KCNIP3: variants seen among roughly 807,000 people sequenced by gnomAD.
KCNIP3 encodes potassium voltage-gated channel interacting protein 3.
A neutral mutation model predicts 35.0 loss-of-function variants in KCNIP3; 28 were observed. That is an observed-to-expected ratio of 0.80 (90% CI 0.59 to 1.10). The LOEUF (loss-of-function observed/expected upper bound fraction) is 1.10, where lower values mean the gene tolerates loss of function less well. KCNIP3 is among the 50% of genes least tolerant of loss of function. The pLI, the probability that KCNIP3 is intolerant of heterozygous loss-of-function variation, is 0.00. For synonymous variants in KCNIP3, 134 were observed against 133.8 expected (o/e 1.00, Z -0.01); for missense variants, 295 against 338.4 (o/e 0.87, Z 1.01).
At chr2:95,322,976 C>T (rs1386019363) in intron 2 of KCNIP3, among the ~76,000 whole-genome samples, 1 of 152,226 alleles carries the variant, frequency 6.6e-6, no homozygotes, top group African/African-American at 2.4e-5. Flanking sequence ...TCTTCTTTAC[C>T]CAGGAATTTG....
intron 2 of KCNIP3, among the ~76,000 whole-genome samples, chr2:95,330,603 G>A (rs77669850): frequency 1.8e-4 from 27 of 152,350 alleles, no homozygotes; most frequent in Non-Finnish European, 3.5e-4. Flanking sequence ...AACACCACAA[G>A]GGGCGTGAGA....
chr2:95,353,022 CCT>C (rs1679565822), intron 2 of KCNIP3, among the ~76,000 whole-genome samples: 1 of 152,234 alleles, frequency 6.6e-6, no homozygotes, highest in Non-Finnish European at 1.5e-5. Context: ...TATCCCAATG[CCT>C]ATAGTCCCAC....
intron 2 of KCNIP3, among the ~76,000 whole-genome samples, chr2:95,357,927 C>T (rs547664203): frequency 2.6e-5 from 4 of 152,262 alleles, no homozygotes; most frequent in South Asian, 4.1e-4. Flanking sequence ...ACAGGCCGTG[C>T]GCAGTGTCAC....
At position 95,375,156 on chromosome 2, in the gene KCNIP3, A is replaced by G. The variant is rs748132243; in HGVS notation, c.395A>G (p.His132Arg). 6.2e-6 allele frequency: 10 copies of G among 1,613,992 alleles called. No individual in the cohort carries two copies. In the African/African-American group the frequency reaches 1.2e-4, roughly 19 times the overall value. The part of the protein sequence containing the change: ...FPQGDATTYA[H>R]FLFNAFDADG... ...TCCCCAGATGCCACCACCTATGCACACTTCCTCTTCAACGCCTTTGATGCG... is the reference window on the plus strand; with the variant it reads ...TCCCCAGATGCCACCACCTATGCACGCTTCCTCTTCAACGCCTTTGATGCG... Residue 132 changes from histidine (H) to arginine (R), a missense_variant, in exon 5 of 9, where the codon CAC becomes CGC. Coordinates refer to ENST00000295225, the MANE Select transcript of KCNIP3 (RefSeq NM_013434.5).
chr2:95,337,792 C>G (rs1263415215), intron 2 of KCNIP3, among the ~76,000 whole-genome samples: 1 of 152,194 alleles, frequency 6.6e-6, no homozygotes, highest in African/African-American at 2.4e-5. Flanking sequence ...TCCAGGCCAC[C>G]CTCATCTTTC....
intron 2 of KCNIP3, among the ~76,000 whole-genome samples, chr2:95,339,854 G>C (rs960016212): frequency 2.6e-5 from 4 of 152,138 alleles, no homozygotes; most frequent in Non-Finnish European, 5.9e-5. Flanking sequence ...CCCTGGGTGA[G>C]AGTTCTAGAT....
chr2:95,361,228 T>C (rs772891149), intron 2 of KCNIP3, among the ~76,000 whole-genome samples: 1 of 152,200 alleles, frequency 6.6e-6, no homozygotes, highest in South Asian at 2.1e-4. Context: ...ATTTCTTCCA[T>C]GTCTTGGTGG....
chr2:95,383,379 C>A, intron 8 of KCNIP3, 85 bp downstream of exon 8: 1 of 1,338,562 alleles, frequency 7.5e-7, no homozygotes, highest in Non-Finnish European at 1.0e-6. Flanking sequence ...CCTTCCCTCA[C>A]CCCAGTCCCA....
chr2:95,304,162 A>T, intron 1 of KCNIP3, among the ~76,000 whole-genome samples: 1 of 152,184 alleles, frequency 6.6e-6, no homozygotes, highest in Admixed American at 6.5e-5. Context: ...AGAGAGAAAC[A>T]TACACTTCCT....
chr2:95,314,937 C>T (rs560767818), intron 2 of KCNIP3, among the ~76,000 whole-genome samples: 2 of 152,182 alleles, frequency 1.3e-5, no homozygotes, highest in Non-Finnish European at 2.9e-5. Flanking sequence ...ACAGGGCAGC[C>T]CTGGAACCCG....
At chr2:95,322,796 G>A (rs1312097947) in intron 2 of KCNIP3, among the ~76,000 whole-genome samples, 3 of 152,170 alleles carry the variant, frequency 2.0e-5, no homozygotes, top group Non-Finnish European at 4.4e-5. Context: ...TTCACGGGAC[G>A]GGGCCTGCCT....
intron 2 of KCNIP3, among the ~76,000 whole-genome samples, chr2:95,344,296 C>CA (rs1679292844): frequency 6.6e-6 from 1 of 152,092 alleles, no homozygotes; most frequent in African/African-American, 2.4e-5. Flanking sequence ...CATGGGGCTT[C>CA]AGGGCTCGCC....
At chr2:95,339,293 G>A (rs1183321318) in intron 2 of KCNIP3, among the ~76,000 whole-genome samples, 3 of 152,146 alleles carry the variant, frequency 2.0e-5, no homozygotes, top group Non-Finnish European at 4.4e-5. Context: ...GTGGTAATTA[G>A]GTCAGGCCAG....
chr2:95,346,296 GCCGCCCCCTCCTCTCGGGCTC>G (rs1031146799), intron 2 of KCNIP3, among the ~76,000 whole-genome samples: 10 of 151,544 alleles, frequency 6.6e-5, no homozygotes, highest in African/African-American at 2.4e-4. Context: ...GAGCGCAGCC[GCCGCCCCCTCCTCTCGGGCTC>G]CCGGCCCCTC....
intron 2 of KCNIP3, among the ~76,000 whole-genome samples, chr2:95,346,207 A>AG (rs1274484836): frequency 1.3e-5 from 2 of 152,048 alleles, no homozygotes; most frequent in Non-Finnish European, 2.9e-5. Flanking sequence ...CCGGGGAGTG[A>AG]GGGCTTCCCG....
Position 95,384,208 on chromosome 2 carries a change from C to CACACACACA in KCNIP3, c.*159_*160insACACACACA. 1 of 381,426 alleles carries CACACACACA rather than the reference C, an allele frequency of 2.6e-6. No individual in the cohort carries two copies. Among genetic ancestry groups the CACACACACA allele is most frequent in the Non-Finnish European group, 4.8e-6 (1 of 209,208 alleles). 23.6% of individuals were successfully genotyped at this position (381,426 alleles called of 1,614,324 possible). ...CACACACACACACACACACACACAG[C>CACACACACA]CATTCATCTGGGCTGGCAGAGGGGA... On this transcript the variant is annotated 3_prime_UTR_variant, in exon 9 of 9. Transcript: ENST00000295225.
chr2:95,364,376 G>T (rs1679870563), intron 2 of KCNIP3, among the ~76,000 whole-genome samples: 1 of 152,060 alleles, frequency 6.6e-6, no homozygotes, highest in Non-Finnish European at 1.5e-5. Flanking sequence ...GCTTCATTTA[G>T]CTAACATTTG....
intron 1 of KCNIP3, among the ~76,000 whole-genome samples, chr2:95,304,046 G>A (rs1052759512): frequency 4.6e-5 from 7 of 152,212 alleles, no homozygotes; most frequent in African/African-American, 1.7e-4. Context: ...GCACGTCTCA[G>A]TGTGGACCAG....
chr2:95,320,969 T>G (rs1678580973), intron 2 of KCNIP3, among the ~76,000 whole-genome samples: 1 of 91,056 alleles, frequency 1.1e-5, no homozygotes, highest in South Asian at 4.9e-4. Flanking sequence ...CCCCAGCCTC[T>G]CCTCCCTGGC....
Sources: allele counts gnomAD v4.1 joint callset (sites outside exome capture counted in the v4.1 genomes callset), GRCh38; gene constraint gnomAD v4.1.1; transcripts MANE v1.5; gene names NCBI Gene and HGNC (gene_info 2026-07-23, HGNC 2026-07-21).